CHN2: variants seen among roughly 807,000 people sequenced by gnomAD.
CHN2 encodes chimerin 2.
Under a neutral mutation model 56.3 loss-of-function variants are expected in CHN2, and 35 were observed. The observed-to-expected ratio is 0.62, with a 90% CI of 0.47 to 0.82. The LOEUF is 0.82. Among genes scored for constraint, CHN2 ranks in the 40% least tolerant of loss-of-function variants. The pLI is 0.00. For missense variants in CHN2, 491 were observed against 580.5 expected, an observed-to-expected ratio of 0.85 and a Z score of 1.58; for synonymous variants, 210 against 212.8, an observed-to-expected ratio of 0.99 and a Z score of 0.12.
chr7:29,263,319 C>T (rs1789732564), intron 1 of CHN2, among the ~76,000 whole-genome samples: 2 of 152,226 alleles, frequency 1.3e-5, no homozygotes, highest in Non-Finnish European at 2.9e-5. Context: ...CGGAGTCTCG[C>T]TCACTCAGTG....
At chr7:29,257,915 G>C (rs1473795592) in intron 1 of CHN2, among the ~76,000 whole-genome samples, 1 of 152,082 alleles carries the variant, frequency 6.6e-6, no homozygotes, top group Non-Finnish European at 1.5e-5. Context: ...AGCCTCCAGA[G>C]TAGCTGGGAC....
exon 1 of CHN2, chr7:29,146,744 A>T (rs1394879343): frequency 1.3e-6 from 2 of 1,550,244 alleles, no homozygotes; most frequent in Non-Finnish European, 1.7e-6. Context: ...GGTGCCATTC[A>T]GGTTGGTTTG....
At chr7:29,339,673 T>C (rs1032486705) in intron 1 of CHN2, among the ~76,000 whole-genome samples, 1 of 152,016 alleles carries the variant, frequency 6.6e-6, no homozygotes, top group Non-Finnish European at 1.5e-5. Flanking sequence ...GCCAACATGG[T>C]GAAACCCTGT....
In CHN2 at chr7:29,224,286, A is replaced by C. The variant is rs954585454; in HGVS notation, c.49+29296A>C. Among the ~76,000 whole-genome samples, 5 of 152,338 alleles carry C rather than the reference A, an allele frequency of 3.3e-5. No homozygotes were observed. In the South Asian group the frequency reaches 1.0e-3, roughly 32 times the overall value. On this transcript the variant is annotated intron_variant, in intron 1 of 12. Coordinates refer to ENST00000222792, the MANE Select transcript of CHN2 (RefSeq NM_004067.4). ...TTATGAAACAGTTTGTGATTAAGTG[A>C]TACTCTGTGTAAACACAGTAAATAT... is the stretch of plus-strand genomic sequence containing the variant.
chr7:29,227,416 A>G (rs1786293042), intron 1 of CHN2, among the ~76,000 whole-genome samples: 2 of 152,168 alleles, frequency 1.3e-5, no homozygotes, highest in Non-Finnish European at 2.9e-5. Context: ...TGCTGTCTAG[A>G]ACTACTCCTT....
chr7:29,472,090 C>A (rs1238775296), intron 6 of CHN2, among the ~76,000 whole-genome samples: 1 of 152,084 alleles, frequency 6.6e-6, no homozygotes, highest in Non-Finnish European at 1.5e-5. Context: ...AAGATAACCA[C>A]CCCTTTGATT....
At chr7:29,356,428 C>T (rs74604647) in intron 2 of CHN2, among the ~76,000 whole-genome samples, 2 of 152,112 alleles carry the variant, frequency 1.3e-5, no homozygotes, top group East Asian at 1.9e-4. Context: ...GTAAAAATTT[C>T]CCAACATCCA....
intron 7 of CHN2, among the ~76,000 whole-genome samples, chr7:29,482,183 G>A (rs1787323383): frequency 6.6e-6 from 1 of 152,174 alleles, no homozygotes; most frequent in African/African-American, 2.4e-5. Flanking sequence ...CTTGAAAGAA[G>A]AAAAGGCACA....
At chr7:29,405,643 AAG>A (rs1384592500) in intron 6 of CHN2, among the ~76,000 whole-genome samples, 2 of 152,174 alleles carry the variant, frequency 1.3e-5, no homozygotes, top group African/African-American at 4.8e-5. Flanking sequence ...TGCAAAACCA[AAG>A]AGAGTTACCT....
intron 7 of CHN2, chr7:29,483,944 T>C (rs1312202879): frequency 1.7e-6 from 2 of 1,200,246 alleles, no homozygotes; most frequent in Admixed American, 2.3e-5. Context: ...AAAGAATACA[T>C]GCGAGTCACT....
At chr7:29,234,949 G>A (rs1787069516) in intron 1 of CHN2, among the ~76,000 whole-genome samples, 1 of 152,284 alleles carries the variant, frequency 6.6e-6, no homozygotes, top group African/African-American at 2.4e-5. Context: ...TAGCATAGGA[G>A]GGGGTATGCT....
At chr7:29,274,758 T>C (rs538275777) in intron 1 of CHN2, among the ~76,000 whole-genome samples, 2 of 152,368 alleles carry the variant, frequency 1.3e-5, no homozygotes, top group African/African-American at 2.4e-5. Flanking sequence ...AGGAATATCA[T>C]TTTTAATGTG....
At chr7:29,346,239 C>T (rs796773697) in intron 1 of CHN2, among the ~76,000 whole-genome samples, 10 of 152,068 alleles carry the variant, frequency 6.6e-5, no homozygotes, top group African/African-American at 2.2e-4. Context: ...TCCATGAGGA[C>T]GTGCTGCTGA....
intron 1 of CHN2, chr7:29,292,858 G>A (rs59748566): frequency 0.041 from 18,879 of 455,374 alleles, 550 homozygotes; most frequent in African/African-American, 0.089. Flanking sequence ...TCTTGGGGAA[G>A]AAAATATATC....
intron 6 of CHN2, among the ~76,000 whole-genome samples, chr7:29,416,986 A>G (rs1803817507): frequency 1.3e-5 from 2 of 152,164 alleles, no homozygotes; most frequent in South Asian, 2.1e-4. Context: ...CTTCAGGGCC[A>G]GTGGCTGTGT....
chr7:29,183,364 G>A (rs1798304706), intron 2 of CHN2, among the ~76,000 whole-genome samples: 1 of 150,980 alleles, frequency 6.6e-6, no homozygotes, highest in Non-Finnish European at 1.5e-5. Context: ...GATTATAGGT[G>A]TGAGCCACCG....
At chr7:29,487,753 T>C (rs1788196970) in intron 7 of CHN2, among the ~76,000 whole-genome samples, 1 of 151,766 alleles carries the variant, frequency 6.6e-6, no homozygotes, top group Non-Finnish European at 1.5e-5. Context: ...TTCCTCTGTC[T>C]CTCCTTCTCC....
At chr7:29,154,829 C>T (rs977164942) in intron 2 of CHN2, among the ~76,000 whole-genome samples, 7 of 151,980 alleles carry the variant, frequency 4.6e-5, no homozygotes, top group African/African-American at 7.2e-5. Context: ...AGTGAGACTC[C>T]GTGTATTAGT....
intron 6 of CHN2, among the ~76,000 whole-genome samples, chr7:29,432,632 G>C (rs935986670): frequency 6.6e-6 from 1 of 152,186 alleles, no homozygotes; most frequent in Non-Finnish European, 1.5e-5. Flanking sequence ...ATATGGAAAT[G>C]TGATCCATTT....
Sources: gnomAD v4.1 joint callset for allele counts (sites outside exome capture counted in the v4.1 genomes callset) on GRCh38, gnomAD v4.1.1 for gene constraint, MANE v1.5 for transcripts, NCBI Gene and HGNC (gene_info 2026-07-23, HGNC 2026-07-21) for gene names.